Variants in LRP1B observed in about 807,000 individuals in gnomAD.
LRP1B encodes low-density lipoprotein receptor-related protein 1B.
A neutral mutation model predicts 556.6 loss-of-function variants in LRP1B; 217 were observed. That is an observed-to-expected ratio of 0.39 (90% CI 0.35 to 0.44). The LOEUF (loss-of-function observed/expected upper bound fraction) is 0.44, where lower values mean the gene tolerates loss of function less well. LRP1B is among the 20% of genes least tolerant of loss of function. The pLI is 1.00. For missense variants in LRP1B, 5,053 were observed against 5,620.8 expected, an observed-to-expected ratio of 0.90 and a Z score of 3.23; for synonymous variants, 2,047 against 1,865.8, an observed-to-expected ratio of 1.10 and a Z score of -2.50.
At chr2:140,513,489 T>C (rs915314656) in intron 51 of LRP1B, among the ~76,000 whole-genome samples, 3 of 78,116 alleles carry the variant, frequency 3.8e-5, no homozygotes, top group Non-Finnish European at 8.7e-5. Flanking sequence ...ATCTAATTGA[T>C]TACTGACTTT....
At chr2:141,920,586 G>A (rs1700160047) in intron 1 of LRP1B, among the ~76,000 whole-genome samples, 1 of 151,986 alleles carries the variant, frequency 6.6e-6, no homozygotes. Context: ...TGAGAAGACT[G>A]AGATGAATGA....
Position 140,908,444 on chromosome 2 carries a change from GC to G in LRP1B, c.3320-368del, listed in dbSNP as rs1694324382. On this transcript the variant is annotated intron_variant, in intron 21 of 90. Coordinates refer to ENST00000389484, the MANE Select transcript of LRP1B (RefSeq NM_018557.3). ...AAGTTTAATTGCAAAACTGTTAAAA[GC>G]AAACTTTAAAGATACATTTGTATAT... is the stretch of plus-strand genomic sequence containing the variant. Among the ~76,000 whole-genome samples the G allele has an allele frequency of 2.7e-5, 4 of 149,052 alleles. No homozygotes were observed. In the South Asian group the frequency reaches 8.4e-4, roughly 31 times the overall value.
At chr2:140,750,175 T>A (rs539126365) in intron 35 of LRP1B, among the ~76,000 whole-genome samples, 4 of 152,174 alleles carry the variant, frequency 2.6e-5, no homozygotes, top group African/African-American at 9.7e-5. Context: ...CCTTTTTTCA[T>A]GTCCATCCTT....
chr2:141,880,039 A>T (rs1366199037), intron 1 of LRP1B, among the ~76,000 whole-genome samples: 2 of 128,460 alleles, frequency 1.6e-5, no homozygotes, highest in Non-Finnish European at 3.6e-5. Flanking sequence ...TAATAACCTC[A>T]CTTCACACTT....
intron 41 of LRP1B, among the ~76,000 whole-genome samples, chr2:140,665,222 T>C (rs965059695): frequency 4.6e-5 from 7 of 152,210 alleles, no homozygotes; most frequent in African/African-American, 1.7e-4. Context: ...TCATAGAAAT[T>C]TGGACGAAGT....
chr2:140,333,996 CA>C (rs5834737), intron 79 of LRP1B, among the ~76,000 whole-genome samples: 71,650 of 146,480 alleles, frequency 0.49, 17,518 homozygotes, highest in Non-Finnish European at 0.54. Flanking sequence ...AATGAAAAGG[CA>C]AAAAAAACAA....
intron 30 of LRP1B, 45 bp from the exon 31 acceptor site, chr2:140,840,130 TACTC>T: frequency 9.3e-7 from 1 of 1,074,250 alleles, no homozygotes; most frequent in Non-Finnish European, 1.4e-6. Flanking sequence ...GATGTAGACC[TACTC>T]ACTGAGAAGA....
At chr2:140,896,331 T>C (rs186034571) in intron 23 of LRP1B, among the ~76,000 whole-genome samples, 10 of 151,946 alleles carry the variant, frequency 6.6e-5, no homozygotes, top group Admixed American at 3.3e-4. Flanking sequence ...TAATAAGATA[T>C]TAGGAGTGAA....
At chr2:141,577,923 T>G (rs1043935282) in intron 2 of LRP1B, among the ~76,000 whole-genome samples, 1 of 152,176 alleles carries the variant, frequency 6.6e-6, no homozygotes, top group Non-Finnish European at 1.5e-5. Flanking sequence ...CACCTCAGCC[T>G]TAGACATAAT....
intron 3 of LRP1B, among the ~76,000 whole-genome samples, chr2:141,474,620 C>A (rs1282984809): frequency 6.6e-6 from 1 of 152,022 alleles, no homozygotes; most frequent in Non-Finnish European, 1.5e-5. Flanking sequence ...GTAAAATAAT[C>A]AAATGTAATT....
At chr2:142,013,787 G>A (rs1459542482) in intron 1 of LRP1B, among the ~76,000 whole-genome samples, 10 of 152,042 alleles carry the variant, frequency 6.6e-5, no homozygotes, top group Admixed American at 2.0e-4. Context: ...GATGTCAGAG[G>A]CATTAAAACC....
At chr2:141,187,896 A>G (rs1187383965) in intron 7 of LRP1B, among the ~76,000 whole-genome samples, 1 of 151,966 alleles carries the variant, frequency 6.6e-6, no homozygotes, top group Admixed American at 6.6e-5. Context: ...CACCATAATA[A>G]TATTTGGGTT....
At position 140,851,856 on chromosome 2, in the gene LRP1B, G is replaced by A. The variant is rs1692469008; in HGVS notation, c.4580-73C>T. 5 of 1,382,052 alleles carry A rather than the reference G, an allele frequency of 3.6e-6. No individual in the cohort carries two copies. In the Admixed American group the frequency reaches 1.0e-4, roughly 28 times the overall value. The allele number at this position is 1,382,052 out of a possible 1,614,324, so 85.6% of individuals were successfully genotyped here. A position where few individuals can be genotyped will look rare whatever the true frequency, so the allele number is the denominator to read the frequency against. ...TAGGGAAGCTCTGAGGTTGACAGGG[G>A]TTATTCACCTAATGATTCAAAGTAA... is the stretch of plus-strand genomic sequence containing the variant. On this transcript the variant is annotated intron_variant, in intron 27 of 90. Coordinates refer to ENST00000389484, the MANE Select transcript of LRP1B (RefSeq NM_018557.3).
intron 3 of LRP1B, among the ~76,000 whole-genome samples, chr2:141,280,179 T>A (rs576113913): frequency 6.6e-6 from 1 of 152,240 alleles, no homozygotes; most frequent in East Asian, 1.9e-4. Context: ...GAGAGATACA[T>A]GCACATGCTC....
intron 32 of LRP1B, among the ~76,000 whole-genome samples, chr2:140,792,630 AT>A (rs1690163133): frequency 6.6e-6 from 1 of 152,170 alleles, no homozygotes; most frequent in Non-Finnish European, 1.5e-5. Flanking sequence ...GATGGCAGTC[AT>A]GATGGAGAAG....
At chr2:140,978,434 G>A (rs1281772404) in intron 18 of LRP1B, among the ~76,000 whole-genome samples, 1 of 152,138 alleles carries the variant, frequency 6.6e-6, no homozygotes, top group Non-Finnish European at 1.5e-5. Flanking sequence ...CAAAAAAAAT[G>A]ATTGCAGCAT....
rs1297950372 is a variant in LRP1B at position 141,759,921 on chromosome 2, A to G, written c.205+50358T>C. Among the ~76,000 whole-genome samples, 7 of 152,142 alleles carry G rather than the reference A, an allele frequency of 4.6e-5. No individual in the cohort carries two copies. In the East Asian group the frequency reaches 1.4e-3, roughly 29 times the overall value. On this transcript the variant is annotated intron_variant, in intron 2 of 90. Coordinates refer to ENST00000389484, the MANE Select transcript of LRP1B (RefSeq NM_018557.3). ...CGAGGCGGGTAGATCACCTGAGGTC[A>G]GGAGTTTGAGAGCAGCCTGGCCAAC...
intron 6 of LRP1B, among the ~76,000 whole-genome samples, chr2:141,191,680 C>CTTTT (rs11394147): frequency 5.4e-5 from 8 of 148,216 alleles, no homozygotes; most frequent in Non-Finnish European, 9.0e-5. Flanking sequence ...CAAAAATAAG[C>CTTTT]TTTTTTTTTT....
At chr2:141,523,657 T>C (rs1684599750) in intron 2 of LRP1B, among the ~76,000 whole-genome samples, 1 of 152,142 alleles carries the variant, frequency 6.6e-6, no homozygotes, top group Admixed American at 6.6e-5. Flanking sequence ...TAACGTAAAT[T>C]ATTACATACT....
Sources: allele counts gnomAD v4.1 joint callset (sites outside exome capture counted in the v4.1 genomes callset), GRCh38; gene constraint gnomAD v4.1.1; transcripts MANE v1.5; gene names NCBI Gene and HGNC (gene_info 2026-07-23, HGNC 2026-07-21).